Variants in MBOAT2 observed in about 807,000 individuals in gnomAD.
The protein encoded by MBOAT2 is membrane-bound glycerophospholipid O-acyltransferase 2.
In MBOAT2, 28 loss-of-function variants were observed where a neutral mutation model predicts 63.4. The observed-to-expected ratio is 0.44, with a 90% confidence interval of 0.33 to 0.61. The LOEUF is 0.61. Among genes scored for constraint, MBOAT2 ranks in the 20% least tolerant of loss-of-function variants. MBOAT2 has a pLI of 0.03. For missense variants in MBOAT2, 470 were observed against 605.8 expected (o/e 0.78, Z 2.35); for synonymous variants, 211 against 215.6 (o/e 0.98, Z 0.19).
chr2:8,912,422 C>CAAAGAAAGAAAGAAAGAAAGAAAGAAA (rs1558607282), intron 3 of MBOAT2, among the ~76,000 whole-genome samples: 6 of 132,564 alleles, frequency 4.5e-5, no homozygotes, highest in African/African-American at 1.5e-4. Flanking sequence ...AAAGACAGGC[C>CAAAGAAAGAAAGAAAGAAAGAAAGAAA]GGCCGGCCTT....
chr2:8,943,746 GA>G (rs1668215852), intron 2 of MBOAT2, among the ~76,000 whole-genome samples: 1 of 152,090 alleles, frequency 6.6e-6, no homozygotes, highest in Admixed American at 6.5e-5. Context: ...ATTTACAAAA[GA>G]AAAGCGTATA....
At chr2:8,903,476 AT>A (rs369501565) in intron 4 of MBOAT2, among the ~76,000 whole-genome samples, 14,047 of 148,598 alleles carry the variant, frequency 0.095, 1,115 homozygotes, top group African/African-American at 0.22. Flanking sequence ...TTTCACATAG[AT>A]TTTTTTTTTT....
chr2:8,980,738 C>T (rs897808983), intron 1 of MBOAT2, among the ~76,000 whole-genome samples: 4 of 152,174 alleles, frequency 2.6e-5, no homozygotes, highest in African/African-American at 9.6e-5. Flanking sequence ...TGTGGAGAAG[C>T]TGGAACTCCC....
At chr2:8,870,651 C>G (rs935067223) in intron 8 of MBOAT2, among the ~76,000 whole-genome samples, 2 of 152,146 alleles carry the variant, frequency 1.3e-5, no homozygotes, top group African/African-American at 4.8e-5. Flanking sequence ...GAAACCTGAA[C>G]CTCAGCGCTG....
At chr2:8,886,343 T>C (rs1663550225) in intron 5 of MBOAT2, among the ~76,000 whole-genome samples, 1 of 152,250 alleles carries the variant, frequency 6.6e-6, no homozygotes, top group Non-Finnish European at 1.5e-5. Context: ...TTCACTGTAA[T>C]AAATGTTAGC....
chr2:8,887,850 C>G (rs938360963), intron 5 of MBOAT2, among the ~76,000 whole-genome samples, 168 bp downstream of exon 5: 1 of 152,124 alleles, frequency 6.6e-6, no homozygotes, highest in African/African-American at 2.4e-5. Flanking sequence ...TGAAGGAAAG[C>G]AAGAAAGCAA....
Position 9,003,673 on chromosome 2 carries a change from G to A in MBOAT2, c.-59C>T, listed in dbSNP as rs1314745375. 37 of 1,066,530 alleles carry A rather than the reference G, an allele frequency of 3.5e-5. No homozygotes were observed. Among genetic ancestry groups the A allele is most frequent in the South Asian group, 1.8e-4 (4 of 22,406 alleles). 66.1% of individuals were successfully genotyped at this position (1,066,530 alleles called of 1,614,324 possible). A position where few individuals can be genotyped will look rare whatever the true frequency, so the allele number is the denominator to read the frequency against. ...CTCGCCCGCTCGCGCTGTGCCGGGC[G>A]ACGACGAGGATGGGGATGCAGCGGC... is the stretch of plus-strand genomic sequence containing the variant. On this transcript the variant is annotated 5_prime_UTR_variant, in exon 1 of 13. Transcript: ENST00000305997. The surrounding 1 kb of genome is among the most constrained non-coding windows in gnomAD (Gnocchi z 5.4).
chr2:8,962,216 C>G (rs1669656651), intron 1 of MBOAT2, among the ~76,000 whole-genome samples: 1 of 152,126 alleles, frequency 6.6e-6, no homozygotes, highest in Admixed American at 6.5e-5. Context: ...GAGACTGAAA[C>G]AGTTTAACTA....
chr2:8,973,562 A>G (rs573829136), intron 1 of MBOAT2, among the ~76,000 whole-genome samples: 535 of 151,916 alleles, frequency 3.5e-3, no homozygotes, highest in South Asian at 0.012. Context: ...TAAAAAAAAA[A>G]AAAAGCAACA....
chr2:8,866,169 C>T (rs1197632491), intron 9 of MBOAT2, among the ~76,000 whole-genome samples: 3 of 152,106 alleles, frequency 2.0e-5, no homozygotes, highest in African/African-American at 7.2e-5. Flanking sequence ...CCTTTCTTTA[C>T]TTTTTCTCAT....
At chr2:8,882,691 T>C (rs1326924705) in intron 5 of MBOAT2, 126 bp from the exon 6 acceptor site, 6 of 819,042 alleles carry the variant, frequency 7.3e-6, no homozygotes, top group Non-Finnish European at 1.2e-5. Flanking sequence ...TTTGATATAA[T>C]GACTGTTCCT....
At position 8,976,743 on chromosome 2, in the gene MBOAT2, C is replaced by G. The variant is rs1037125050; in HGVS notation, c.76-18101G>C. On this transcript the variant is annotated intron_variant, in intron 1 of 12. Coordinates refer to ENST00000305997, the MANE Select transcript of MBOAT2 (RefSeq NM_138799.4). ...ATCTCTTAGGTGGTTACAAATAATA[C>G]CAGCAAATCAGAAGACCTGCTGAAA... Among the ~76,000 whole-genome samples the G allele has an allele frequency of 2.0e-5, 3 of 152,184 alleles. No homozygotes were observed. The East Asian group carries it at 5.8e-4, about 29-fold the overall frequency.
At chr2:8,890,323 CTTCAT>C (rs1001634188) in intron 4 of MBOAT2, among the ~76,000 whole-genome samples, 4 of 152,138 alleles carry the variant, frequency 2.6e-5, no homozygotes, top group East Asian at 1.9e-4. Flanking sequence ...CGCAAATACT[CTTCAT>C]TTCATCTTAG....
At chr2:8,967,237 A>G (rs1462884546) in intron 1 of MBOAT2, among the ~76,000 whole-genome samples, 2 of 152,224 alleles carry the variant, frequency 1.3e-5, no homozygotes, top group East Asian at 3.8e-4. Flanking sequence ...ACAGACAACA[A>G]GGGATTTTGT....
intron 3 of MBOAT2, among the ~76,000 whole-genome samples, chr2:8,927,568 C>T (rs1205760974): frequency 6.6e-6 from 1 of 152,164 alleles, no homozygotes; most frequent in African/African-American, 2.4e-5. Flanking sequence ...CAATAGAGAG[C>T]TGTGTCCAAC....
rs756045378 is a variant in MBOAT2 at position 8,932,755 on chromosome 2, G to GA, written c.299+10431dup. Among the ~76,000 whole-genome samples, 291 of 130,556 alleles carry GA rather than the reference G, an allele frequency of 2.2e-3. 1 individual carries two copies. Among genetic ancestry groups the GA allele is most frequent in the African/African-American group, 3.3e-3 (118 of 35,798 alleles). The allele number at this position is 130,556 out of a possible 152,430, so 85.6% of individuals were successfully genotyped here. A position where few individuals can be genotyped will look rare whatever the true frequency, so the allele number is the denominator to read the frequency against. On this transcript the variant is annotated intron_variant, in intron 3 of 12. Coordinates refer to ENST00000305997, the MANE Select transcript of MBOAT2 (RefSeq NM_138799.4). Reference sequence around the variant, plus strand: ...GTTAAATGGGATACAGTATTTAGGAGAAAAAAAAAAAAACACTCAGCAAAG... The same window carrying GA: ...GTTAAATGGGATACAGTATTTAGGAGAAAAAAAAAAAAAACACTCAGCAAAG...
chr2:8,942,708 CG>C (rs1367944479), intron 3 of MBOAT2, among the ~76,000 whole-genome samples: 11 of 152,198 alleles, frequency 7.2e-5, no homozygotes, highest in African/African-American at 2.4e-4. Context: ...GCTGGAAACA[CG>C]GAAGTCATCC....
chr2:8,881,037 T>G (rs1215004864), intron 6 of MBOAT2, among the ~76,000 whole-genome samples: 1 of 152,110 alleles, frequency 6.6e-6, no homozygotes, highest in Non-Finnish European at 1.5e-5. Context: ...CTTGTTCTGT[T>G]CAGGTGGTGG....
At chr2:8,944,280 A>G (rs1558642363) in intron 2 of MBOAT2, among the ~76,000 whole-genome samples, 1 of 152,212 alleles carries the variant, frequency 6.6e-6, no homozygotes, top group East Asian at 1.9e-4. Context: ...ACTAAAATCA[A>G]TCAAAACTAT....
Sources: allele counts gnomAD v4.1 joint callset (sites outside exome capture counted in the v4.1 genomes callset), GRCh38; gene constraint gnomAD v4.1.1; non-coding constraint Gnocchi (gnomAD v3.1); transcripts MANE v1.5; gene names NCBI Gene and HGNC (gene_info 2026-07-23, HGNC 2026-07-21).